Variants in ZNF589 observed in about 807,000 individuals in gnomAD.
ZNF589 encodes KRAB-zinc finger protein SZF1-1.
A neutral mutation model predicts 13.6 loss-of-function variants in ZNF589; 17 were observed. The ratio of observed to expected loss-of-function variants is 1.25; its 90% confidence interval spans 0.86 to 1.88. The LOEUF (loss-of-function observed/expected upper bound fraction) is 1.88. Among genes scored for constraint, ZNF589 ranks in the 40% most tolerant of loss-of-function variants. ZNF589 has a pLI of 0.00. For missense variants in ZNF589, 407 were observed against 434.0 expected (o/e 0.94, Z 0.55); for synonymous variants, 148 against 161.6 (o/e 0.92, Z 0.64).
chr3:48,257,615 G>A (rs1384516788), intron 2 of ZNF589, among the ~76,000 whole-genome samples: 1 of 151,872 alleles, frequency 6.6e-6, no homozygotes, highest in Admixed American at 6.6e-5. Flanking sequence ...TGTGGTTTTG[G>A]TGTCATGTCT....
chr3:48,268,250 A>G lies in ZNF589; in HGVS notation c.559A>G (p.Ile187Val). The change falls in exon 4 of 4, where the codon ATA becomes GTA. Residue 187 changes from isoleucine (I) to valine (V), a missense_variant. Transcript: ENST00000354698. ...SSWGGNRILE[I>V]QLSPAQNASS... ...TTGGGGAGGCAACAGAATATTAGAG[A>G]TACAGCTCAGTCCAGCCCAGAATGC... 2 of 1,607,094 alleles carry G rather than the reference A, an allele frequency of 1.2e-6. No individual in the cohort carries two copies. The highest frequency in any genetic ancestry group is 1.7e-6 in the Non-Finnish European group (2 of 1,176,242).
rs370526977 is a variant in ZNF589, at chr3:48,249,531, A to G, written c.96+1854A>G. Among the ~76,000 whole-genome samples, 4 of 152,336 alleles carry G rather than the reference A, an allele frequency of 2.6e-5. No homozygotes were observed. In the South Asian group the frequency reaches 8.3e-4, roughly 32 times the overall value. ...CTGATTTTTTTCTGAGGTAAAATGT[A>G]CATACAGTGAAATGCACAAATTTTG... On this transcript the variant is annotated intron_variant, in intron 2 of 3. Transcript: ENST00000354698.
intron 2 of ZNF589, among the ~76,000 whole-genome samples, chr3:48,258,842 C>T (rs146037694): frequency 3.2e-4 from 49 of 152,296 alleles, no homozygotes; most frequent in Non-Finnish European, 5.1e-4. Flanking sequence ...GATTGGGCTC[C>T]TACTACATCC....
chr3:48,247,040 T>C (rs1024724999), intron 1 of ZNF589, among the ~76,000 whole-genome samples: 9 of 151,656 alleles, frequency 5.9e-5, no homozygotes, highest in African/African-American at 1.9e-4. Flanking sequence ...GCGTGATCTC[T>C]GCTCACTGCA....
chr3:48,243,282 G>C (rs1413496522), intron 1 of ZNF589, among the ~76,000 whole-genome samples: 1 of 151,126 alleles, frequency 6.6e-6, no homozygotes, highest in South Asian at 2.1e-4. Flanking sequence ...CTTCATCTTT[G>C]TGTTAAAATT....
intron 1 of ZNF589, among the ~76,000 whole-genome samples, chr3:48,247,383 G>T (rs187508052): frequency 6.6e-6 from 1 of 152,176 alleles, no homozygotes; most frequent in Non-Finnish European, 1.5e-5. Context: ...AAGATGATGA[G>T]TGCTTAGAGT....
intron 2 of ZNF589, among the ~76,000 whole-genome samples, chr3:48,255,560 C>A (rs571711112): frequency 4.6e-5 from 6 of 129,900 alleles, no homozygotes; most frequent in African/African-American, 1.8e-4. Flanking sequence ...GTAGTGCGAT[C>A]TTGGCTCACC....
rs149797223 is a variant in ZNF589, at chr3:48,255,748, C to T, written c.97-5065C>T. Among the ~76,000 whole-genome samples, 222 of 151,794 alleles carry T rather than the reference C, an allele frequency of 1.5e-3. 2 individuals carry two copies. Among genetic ancestry groups the T allele is most frequent in the African/African-American group, 5.0e-3 (208 of 41,408 alleles). ...AGGTGATCTGCCTGCCTTAGCCCCCCAAAGTGCTGTGATTATAGGCAAGAG... is the reference window on the plus strand; with the variant it reads ...AGGTGATCTGCCTGCCTTAGCCCCCTAAAGTGCTGTGATTATAGGCAAGAG... On this transcript the variant is annotated intron_variant, in intron 2 of 3. Coordinates refer to ENST00000354698, the MANE Select transcript of ZNF589 (RefSeq NM_016089.3).
chr3:48,248,460 T>C (rs1260188860), intron 2 of ZNF589, among the ~76,000 whole-genome samples: 3 of 152,216 alleles, frequency 2.0e-5, no homozygotes, highest in Non-Finnish European at 4.4e-5. Context: ...AGAACACACT[T>C]TCCAACTCTA....
At chr3:48,263,586 CAAAACA>C (rs982356215) in intron 3 of ZNF589, among the ~76,000 whole-genome samples, 76 of 151,982 alleles carry the variant, frequency 5.0e-4, no homozygotes, top group African/African-American at 1.7e-3. Flanking sequence ...ACTAAAAATA[CAAAACA>C]AAAACAAAAA....
chr3:48,251,391 C>T lies in ZNF589; in HGVS notation c.96+3714C>T, dbSNP rs368652747. 6.8e-5 allele frequency among the ~76,000 whole-genome samples: 10 copies of T among 147,576 alleles called. No individual in the cohort carries two copies. The East Asian group carries it at 1.4e-3, about 20-fold the overall frequency. ...TAGCCTGGGTGACAGAGCAAGACTC[C>T]ATCTCAAAAAAAAAAAAAATTAGCT... On this transcript the variant is annotated intron_variant, in intron 2 of 3. Transcript: ENST00000354698.
At position 48,254,857 on chromosome 3, in the gene ZNF589, G is replaced by GTT. The variant is rs770478107; in HGVS notation, c.97-5945_97-5944dup. Among the ~76,000 whole-genome samples, 335 of 145,430 alleles carry GTT rather than the reference G, an allele frequency of 2.3e-3. 1 individual carries two copies. Among genetic ancestry groups the GTT allele is most frequent in the African/African-American group, 7.9e-3 (316 of 39,858 alleles). Reference sequence around the variant, plus strand: ...TCTATGTTTGCTTATTAGTTCCAAGGTTTTTTTTTTTTATTTCTTTTTGTA... The same window carrying GTT: ...TCTATGTTTGCTTATTAGTTCCAAGGTTTTTTTTTTTTTTATTTCTTTTTGTA... On this transcript the variant is annotated intron_variant, in intron 2 of 3. Transcript: ENST00000354698.
At chr3:48,260,740 A>C in intron 2 of ZNF589, 73 bp from the exon 3 acceptor site, 9 of 1,605,626 alleles carry the variant, frequency 5.6e-6, no homozygotes, top group Non-Finnish European at 7.7e-6. Context: ...TAGATGCTCC[A>C]AGACCACCAG....
chr3:48,242,942 C>T lies in ZNF589; in HGVS notation c.43+1728C>T, dbSNP rs372641181. Among the ~76,000 whole-genome samples the T allele has an allele frequency of 3.3e-5, 5 of 151,710 alleles. No individual in the cohort carries two copies. The East Asian group carries it at 7.8e-4, about 24-fold the overall frequency. ...AAATAAAATAAGCTGGGTGTGGTGC[C>T]GTACACCTGTAATCCCAGCTACTCT... On this transcript the variant is annotated intron_variant, in intron 1 of 3. Coordinates refer to ENST00000354698, the MANE Select transcript of ZNF589 (RefSeq NM_016089.3).
At chr3:48,241,620 CT>C (rs1041804181) in intron 1 of ZNF589, among the ~76,000 whole-genome samples, 4 of 152,134 alleles carry the variant, frequency 2.6e-5, no homozygotes. Flanking sequence ...CAATCTCCGT[CT>C]CCCGGGTTCA....
rs190330393 is a variant in ZNF589 at position 48,250,731 on chromosome 3, C to T, written c.96+3054C>T. Among the ~76,000 whole-genome samples, 190 of 152,226 alleles carry T rather than the reference C, an allele frequency of 1.2e-3. 1 individual carries two copies. Among genetic ancestry groups the T allele is most frequent in the Non-Finnish European group, 2.4e-3 (161 of 68,006 alleles). ...AGGTGATCCGCCCTCCTCGGCCTCCCGAAGTGCTGGGATTACAGGCGTGAG... is the reference window on the plus strand; with the variant it reads ...AGGTGATCCGCCCTCCTCGGCCTCCTGAAGTGCTGGGATTACAGGCGTGAG... On this transcript the variant is annotated intron_variant, in intron 2 of 3. Transcript: ENST00000354698.
intron 2 of ZNF589, among the ~76,000 whole-genome samples, chr3:48,253,656 C>T (rs1036354883): frequency 3.9e-5 from 6 of 151,994 alleles, no homozygotes; most frequent in African/African-American, 1.2e-4. Flanking sequence ...GCTGCCACCA[C>T]GCTAGGCTAA....
chr3:48,248,682 T>C (rs958300422), intron 2 of ZNF589, among the ~76,000 whole-genome samples: 3 of 152,152 alleles, frequency 2.0e-5, no homozygotes, highest in Non-Finnish European at 4.4e-5. Flanking sequence ...CAAGATTCTT[T>C]AGGAAATGAT....
intron 2 of ZNF589, among the ~76,000 whole-genome samples, chr3:48,252,896 G>A (rs925089233): frequency 2.2e-4 from 34 of 152,136 alleles, no homozygotes; most frequent in Non-Finnish European, 5.9e-5. Context: ...GATTACAGGC[G>A]TGAGCCACTG....
Sources: gnomAD v4.1 joint callset for allele counts (sites outside exome capture counted in the v4.1 genomes callset) on GRCh38, gnomAD v4.1.1 for gene constraint, MANE v1.5 for transcripts, NCBI Gene and HGNC (gene_info 2026-07-23, HGNC 2026-07-21) for gene names.